Variants in RSBN1L observed in about 807,000 individuals in gnomAD.
RSBN1L encodes round spermatid basic protein 1 like.
A neutral mutation model predicts 67.7 loss-of-function variants in RSBN1L; 30 were observed. That is an observed-to-expected ratio of 0.44 (90% confidence interval 0.33 to 0.60). The LOEUF (loss-of-function observed/expected upper bound fraction) is 0.60. Among genes scored for constraint, RSBN1L ranks in the 20% least tolerant of loss-of-function variants. The pLI is 0.02. For synonymous variants in RSBN1L, 433 were observed against 387.0 expected (o/e 1.12, Z -1.39); for missense variants, 992 against 1,031.7 (o/e 0.96, Z 0.53).
rs938919795 is a variant in RSBN1L at position 77,715,143 on chromosome 7, G to A, written c.586+18088G>A. ...AAAAATTAGTCAGGTGTGGTGGCAT[G>A]TGCCTGTAATCCCAGCTACTTGGGA... On this transcript the variant is annotated intron_variant, in intron 1 of 7. Coordinates refer to ENST00000334955, the MANE Select transcript of RSBN1L (RefSeq NM_198467.3). 3.3e-5 allele frequency among the ~76,000 whole-genome samples: 5 copies of A among 151,816 alleles called. No individual in the cohort carries two copies. In the South Asian group the frequency reaches 6.2e-4, roughly 19 times the overall value.
intron 2 of RSBN1L, among the ~76,000 whole-genome samples, chr7:77,738,723 G>A (rs909264533): frequency 2.6e-5 from 4 of 152,132 alleles, no homozygotes; most frequent in African/African-American, 9.7e-5. Flanking sequence ...CGAGGCAGGT[G>A]GATCACCTGA....
intron 4 of RSBN1L, among the ~76,000 whole-genome samples, chr7:77,767,292 T>A (rs1348611731): frequency 3.8e-3 from 1 of 266 alleles, no homozygotes; most frequent in Non-Finnish European, 7.1e-3. Context: ...GTGGTGAAAT[T>A]TTTTTTTTTT....
chr7:77,719,851 G>C (rs1466549306), intron 1 of RSBN1L, among the ~76,000 whole-genome samples: 4 of 152,174 alleles, frequency 2.6e-5, no homozygotes, highest in African/African-American at 9.7e-5. Context: ...TGCAGCCTCA[G>C]ACTCCTGGGC....
intron 3 of RSBN1L, among the ~76,000 whole-genome samples, chr7:77,752,496 CTGA>C (rs1791568064): frequency 6.6e-6 from 1 of 152,102 alleles, no homozygotes; most frequent in Non-Finnish European, 1.5e-5. Flanking sequence ...CTTTATGAAA[CTGA>C]ATGGGATCCA....
chr7:77,736,503 G>T lies in RSBN1L; in HGVS notation c.680G>T (p.Gly227Val). The change falls in exon 2 of 8, where the codon GGA (glycine) becomes GTA (valine). Residue 227 changes from glycine (G) to valine (V), a missense_variant. By Grantham distance (109) the Gly-to-Val change is moderately radical. Around this residue, in one of 7 missense-constraint regions of RSBN1L, gnomAD observed 575 missense variants for 483.2 expected, o/e 1.19. Coordinates refer to ENST00000334955, the MANE Select transcript of RSBN1L (RefSeq NM_198467.3). The part of the protein sequence containing the change: ...KVMNEIKKEN[G>V]EVKILLKSGK... ...ATGAATGAGATCAAGAAAGAGAATG[G>T]AGAAGTAAAGATTTTGCTGAAAAGT... is the stretch of plus-strand genomic sequence containing the variant. 7.6e-7 allele frequency: 1 copy of T among 1,308,290 alleles called. No individual in the cohort carries two copies. The highest frequency in any genetic ancestry group is 1.4e-5 in the South Asian group (1 of 70,322). 81.0% of individuals were successfully genotyped at this position (1,308,290 alleles called of 1,614,324 possible).
chr7:77,736,645 A>T, intron 2 of RSBN1L, 119 bp downstream of exon 2: 1 of 443,874 alleles, frequency 2.3e-6, no homozygotes, highest in Non-Finnish European at 3.9e-6. Context: ...ATGAACAATG[A>T]TGAGGAAATG....
In RSBN1L at chr7:77,762,945, C is replaced by G. The variant is rs189981432; in HGVS notation, c.1345-2550C>G. Among the ~76,000 whole-genome samples the G allele has an allele frequency of 6.2e-3, 940 of 151,942 alleles. 5 individuals carry two copies. The highest frequency in any genetic ancestry group is 0.034 in the Middle Eastern group (10 of 292). ...GAAAATTCTTTCCTAACAGTCATCC[C>G]CTCCGCACAAGATAAACTGCCCAAA... On this transcript the variant is annotated intron_variant, in intron 3 of 7. Coordinates refer to ENST00000334955, the MANE Select transcript of RSBN1L (RefSeq NM_198467.3).
chr7:77,706,438 T>G (rs1333437626), intron 1 of RSBN1L, among the ~76,000 whole-genome samples: 1 of 152,142 alleles, frequency 6.6e-6, no homozygotes. Context: ...TCCCAACTCC[T>G]GACCTCAAGT....
chr7:77,773,029 A>T, intron 5 of RSBN1L, 118 bp from the exon 6 acceptor site: 1 of 538,870 alleles, frequency 1.9e-6, no homozygotes, highest in South Asian at 3.6e-5. Flanking sequence ...CATTTTAAAG[A>T]TAGAATTTGA....
chr7:77,760,173 C>G (rs1791681749), intron 3 of RSBN1L, among the ~76,000 whole-genome samples: 2 of 152,102 alleles, frequency 1.3e-5, no homozygotes, highest in South Asian at 2.1e-4. Flanking sequence ...CCCTTTGTAG[C>G]AAGCCCACCT....
intron 1 of RSBN1L, among the ~76,000 whole-genome samples, chr7:77,711,160 A>G (rs951236912): frequency 1.3e-5 from 2 of 152,196 alleles, no homozygotes; most frequent in African/African-American, 2.4e-5. Context: ...CAGCTCATAG[A>G]CAACAGGCAA....
intron 3 of RSBN1L, among the ~76,000 whole-genome samples, chr7:77,764,208 C>G (rs1228423695): frequency 6.6e-6 from 1 of 152,140 alleles, no homozygotes. Flanking sequence ...AAATTGGTCT[C>G]CTAAATTTGT....
At chr7:77,760,055 C>T (rs1015224933) in intron 3 of RSBN1L, among the ~76,000 whole-genome samples, 3 of 152,190 alleles carry the variant, frequency 2.0e-5, no homozygotes, top group East Asian at 1.9e-4. Flanking sequence ...TGCCTTTTCC[C>T]CCTTGCAGCA....
At chr7:77,722,410 T>C (rs547824171) in intron 1 of RSBN1L, among the ~76,000 whole-genome samples, 1 of 152,200 alleles carries the variant, frequency 6.6e-6, no homozygotes, top group African/African-American at 2.4e-5. Context: ...ATAGTACAGT[T>C]TCAGTGAAAC....
chr7:77,710,421 T>C (rs988956211), intron 1 of RSBN1L, among the ~76,000 whole-genome samples: 1 of 152,138 alleles, frequency 6.6e-6, no homozygotes, highest in African/African-American at 2.4e-5. Context: ...CCTAGAACTT[T>C]CTCTACCCGT....
chr7:77,745,996 T>TG (rs1271912274), intron 2 of RSBN1L, among the ~76,000 whole-genome samples: 1 of 152,086 alleles, frequency 6.6e-6, no homozygotes, highest in Non-Finnish European at 1.5e-5. Flanking sequence ...ATGTGAGCAA[T>TG]GGGGAATGGC....
Position 77,765,458 on chromosome 7 carries a change from A to T in RSBN1L, c.1345-37A>T, listed in dbSNP as rs150813296. On this transcript the variant is annotated intron_variant, in intron 3 of 7. Coordinates refer to ENST00000334955, the MANE Select transcript of RSBN1L (RefSeq NM_198467.3). ...AATCCATATTCTTCAGGTAAAAAGA[A>T]CGTATTTAACTTTTAATTAAATCCA... is the stretch of plus-strand genomic sequence containing the variant. 2.6e-3 allele frequency: 3,859 copies of T among 1,460,522 alleles called. 61 individuals are homozygous for T. In the South Asian group the frequency reaches 0.031, roughly 12 times the overall value. 90.5% of individuals were successfully genotyped at this position (1,460,522 alleles called of 1,614,324 possible). A position where few individuals can be genotyped will look rare whatever the true frequency, so the allele number is the denominator to read the frequency against.
At chr7:77,768,890 A>C in intron 5 of RSBN1L, 87 bp downstream of exon 5, 1 of 1,156,548 alleles carries the variant, frequency 8.6e-7, no homozygotes, top group Non-Finnish European at 1.3e-6. Flanking sequence ...GGAAGGAGGA[A>C]TGCAAAGTTT....
In RSBN1L at chr7:77,743,652, A is replaced by G. The variant is rs533758403; in HGVS notation, c.704-5772A>G. Among the ~76,000 whole-genome samples the G allele has an allele frequency of 2.6e-5, 4 of 151,918 alleles. No individual in the cohort carries two copies. The South Asian group carries it at 6.3e-4, about 24-fold the overall frequency. On this transcript the variant is annotated intron_variant, in intron 2 of 7. Transcript: ENST00000334955. ...GATTTAACCTTTTTTGGTGTTAGGC[A>G]TAAGTGTAGGATATTAAATATACTT... is the stretch of plus-strand genomic sequence containing the variant.
Sources: gnomAD v4.1 joint callset for allele counts (sites outside exome capture counted in the v4.1 genomes callset) on GRCh38, gnomAD v4.1.1 for gene constraint, gnomAD v4.1.1 regional missense constraint, MANE v1.5 for transcripts, NCBI Gene and HGNC (gene_info 2026-07-23, HGNC 2026-07-21) for gene names.